TGFB1: variants seen among roughly 807,000 people sequenced by gnomAD.
TGFB1 encodes the protein transforming growth factor beta-1 proprotein.
A neutral mutation model predicts 43.8 loss-of-function variants in TGFB1; 19 were observed. The observed-to-expected ratio is 0.43, with a 90% confidence interval of 0.30 to 0.64. The LOEUF is 0.64. Ranked by LOEUF, TGFB1 falls within the 30% of genes least tolerant of loss-of-function variation. TGFB1 has a pLI of 0.11. For missense variants in TGFB1, 445 were observed against 529.8 expected (o/e 0.84, Z 1.57); for synonymous variants, 221 against 236.3 (o/e 0.94, Z 0.60).
At position 41,348,337 on chromosome 19, in the gene TGFB1, C is replaced by T. The variant is rs767098791; in HGVS notation, c.474G>A (p.Leu158=). 36 of 1,613,512 alleles carry T rather than the reference C, an allele frequency of 2.2e-5. No homozygotes were observed. Among genetic ancestry groups the T allele is most frequent in the Non-Finnish European group, 1.9e-5 (23 of 1,179,836 alleles). The change falls in exon 2 of 7, where the codon CTG becomes CTA. Residue 158 remains leucine (L), a synonymous_variant. Coordinates refer to ENST00000221930, the MANE Select transcript of TGFB1 (RefSeq NM_000660.7). ...GCTGCTCCACTTTTAACTTGAGCCT[C>T]AGCAGACGCAGCTCTGCCCGGGAGA... ...VLLSRAELRL[L]RLKLKVEQHV...
intron 1 of TGFB1, among the ~76,000 whole-genome samples, chr19:41,349,656 T>C (rs547665626): frequency 2.0e-5 from 3 of 151,978 alleles, no homozygotes; most frequent in South Asian, 2.1e-4. Flanking sequence ...ACTTGGGAGG[T>C]TGAGGCATGA....
chr19:41,342,389 T>G, intron 3 of TGFB1, 142 bp from the exon 4 acceptor site: 1 of 513,766 alleles, frequency 1.9e-6, no homozygotes. Flanking sequence ...TGCAGCTCTC[T>G]CTTTTTTTTT....
chr19:41,346,844 G>T (rs1390944257), intron 2 of TGFB1, among the ~76,000 whole-genome samples: 9 of 152,002 alleles, frequency 5.9e-5, no homozygotes. Flanking sequence ...TCCCACCTCA[G>T]CCTCCCAAGT....
At chr19:41,343,196 A>T (rs1375332183) in intron 3 of TGFB1, among the ~76,000 whole-genome samples, 1 of 148,942 alleles carries the variant, frequency 6.7e-6, no homozygotes, top group Non-Finnish European at 1.5e-5. Context: ...GTGCAATGGC[A>T]CGATCTTGGC....
intron 3 of TGFB1, among the ~76,000 whole-genome samples, chr19:41,343,823 A>T (rs1291430706): frequency 7.6e-6 from 1 of 132,088 alleles, no homozygotes; most frequent in African/African-American, 3.1e-5. Context: ...ATTGAATAAA[A>T]GCATAAATGA....
intron 5 of TGFB1, among the ~76,000 whole-genome samples, chr19:41,335,207 C>T (rs1281708766): frequency 6.6e-6 from 1 of 152,026 alleles, no homozygotes; most frequent in Non-Finnish European, 1.5e-5. Flanking sequence ...CATGTGCCAC[C>T]ATGCCTGGCT....
rs149913582 is a variant in TGFB1, at chr19:41,342,116, A to G, written c.712+54T>C. ...TAAGTGGGGCGTGGGGCAGATGGGA[A>G]CACACACACGCACACACGTCACAAC... is the stretch of plus-strand genomic sequence containing the variant. On this transcript the variant is annotated intron_variant, in intron 4 of 6. Transcript: ENST00000221930. 8.4e-5 allele frequency: 135 copies of G among 1,611,552 alleles called. 1 individual carries two copies. The African/African-American group carries it at 1.6e-3, about 19-fold the overall frequency.
Position 41,353,254 on chromosome 19 carries a change from C to T in TGFB1, c.-210G>A, listed in dbSNP as rs1026515474. 1.9e-5 allele frequency: 11 copies of T among 566,276 alleles called. No homozygotes were observed. The highest frequency in any genetic ancestry group is 1.3e-4 in the East Asian group (4 of 31,364). 35.1% of individuals were successfully genotyped at this position (566,276 alleles called of 1,614,324 possible). A position where few individuals can be genotyped will look rare whatever the true frequency, so the allele number is the denominator to read the frequency against. ...ATCCCACGGAAATAACCTAGATGGG[C>T]GCGATCTGGTACCAGAAGGTGGGTG... On this transcript the variant is annotated 5_prime_UTR_variant, in exon 1 of 7. Transcript: ENST00000221930. This position sits in a 1 kb window ranked among gnomAD's most constrained non-coding sequence, Gnocchi z 5.9.
At chr19:41,345,005 C>A (rs1568478809) in intron 2 of TGFB1, 141 bp from the exon 3 acceptor site, 2 of 746,304 alleles carry the variant, frequency 2.7e-6, no homozygotes, top group African/African-American at 1.7e-5. Flanking sequence ...CAGACAGCCA[C>A]CTGTGTGGTC....
chr19:41,333,725 G>T (rs1490641265), intron 5 of TGFB1, among the ~76,000 whole-genome samples: 2 of 152,140 alleles, frequency 1.3e-5, no homozygotes, highest in African/African-American at 4.8e-5. Context: ...CTAAAGCAGT[G>T]TCTGGAATGC....
At chr19:41,333,875 A>G (rs1255973562) in intron 5 of TGFB1, among the ~76,000 whole-genome samples, 4 of 152,278 alleles carry the variant, frequency 2.6e-5, no homozygotes, top group Non-Finnish European at 4.4e-5. Flanking sequence ...GCAAGAAAAT[A>G]TAAAAATGTC....
At chr19:41,347,375 G>A (rs994196426) in intron 2 of TGFB1, among the ~76,000 whole-genome samples, 1 of 152,040 alleles carries the variant, frequency 6.6e-6, no homozygotes, top group African/African-American at 2.4e-5. Flanking sequence ...AGCTAAATGT[G>A]ACTAGTGGCT....
At chr19:41,352,303 T>C in intron 1 of TGFB1, among the ~76,000 whole-genome samples, 2 of 148,284 alleles carry the variant, frequency 1.3e-5, no homozygotes, top group African/African-American at 2.5e-5. Flanking sequence ...TCTTCGCTTC[T>C]CCCACACCAG....
At chr19:41,352,346 C>A (rs1361516015) in intron 1 of TGFB1, among the ~76,000 whole-genome samples, 1 of 118,578 alleles carries the variant, frequency 8.4e-6, no homozygotes, top group Non-Finnish European at 1.8e-5. Flanking sequence ...CCCCACGACC[C>A]CCCCCCCCAT....
In TGFB1 at chr19:41,352,774, C is replaced by T. The variant is rs1380678885; in HGVS notation, c.271G>A (p.Glu91Lys). Residue 91 changes from glutamate (E) to lysine (K), a missense_variant, in exon 1 of 7, where the codon GAG becomes AAG. Glu to Lys is a moderately conservative substitution (Grantham distance 56, BLOSUM62 1). This residue lies in a region of TGFB1 where 366 missense variants were observed against 428.8 expected (regional missense o/e 0.85). Transcript: ENST00000221930. ...YNSTRDRVAG[E>K]SAEPEPEPEA... Reference sequence around the variant, plus strand: ...GGCTCGGGCTCCGGTTCTGCACTCTCCCCGGCCACCCGGTCGCGGGTGCTG... The same window carrying T: ...GGCTCGGGCTCCGGTTCTGCACTCTTCCCGGCCACCCGGTCGCGGGTGCTG... The T allele has an allele frequency of 5.0e-6, 8 of 1,611,142 alleles. No individual in the cohort carries two copies. Among genetic ancestry groups the T allele is most frequent in the Non-Finnish European group, 5.9e-6 (7 of 1,178,328 alleles).
At chr19:41,331,427 G>A (rs2037929601) in intron 6 of TGFB1, among the ~76,000 whole-genome samples, 1 of 152,028 alleles carries the variant, frequency 6.6e-6, no homozygotes, top group African/African-American at 2.4e-5. Context: ...TTTTGAGACT[G>A]GGTCTCGCTC....
chr19:41,351,638 C>T (rs1028997545), intron 1 of TGFB1, among the ~76,000 whole-genome samples: 1 of 152,178 alleles, frequency 6.6e-6, no homozygotes, highest in Non-Finnish European at 1.5e-5. Context: ...CCTCCTGCCC[C>T]TTGGTGGAAG....
chr19:41,342,754 G>T (rs1362721373), intron 3 of TGFB1, among the ~76,000 whole-genome samples: 2 of 152,172 alleles, frequency 1.3e-5, no homozygotes. Flanking sequence ...GACCTCAGGT[G>T]ATCCGCCTGC....
At position 41,352,640 on chromosome 19, in the gene TGFB1, G is replaced by A. The variant is rs1315906949; in HGVS notation, c.355+50C>T. 9.4e-6 allele frequency: 15 copies of A among 1,600,602 alleles called. 1 individual carries two copies. The Admixed American group carries it at 1.7e-4, about 18-fold the overall frequency. On this transcript the variant is annotated intron_variant, in intron 1 of 6. Transcript: ENST00000221930. Reference sequence around the variant, plus strand: ...TTCCTACCCGTGGCCCCGGCACTCCGGCGCCCCCTGGGGGCCCCCCTCCCG... The same window carrying A: ...TTCCTACCCGTGGCCCCGGCACTCCAGCGCCCCCTGGGGGCCCCCCTCCCG...
Sources: gnomAD v4.1 joint callset for allele counts (sites outside exome capture counted in the v4.1 genomes callset) on GRCh38, gnomAD v4.1.1 for gene constraint, gnomAD v4.1.1 regional missense constraint, Gnocchi (gnomAD v3.1) non-coding constraint, MANE v1.5 for transcripts, NCBI Gene and HGNC (gene_info 2026-07-23, HGNC 2026-07-21) for gene names.